The following ZNF484 variants were observed in gnomAD, a reference collection of about 807,000 sequenced individuals.
ZNF484 encodes the protein KRAB box containing C2H2 type zinc finger bA526D8.4.
In ZNF484, 11 loss-of-function variants were observed where a neutral mutation model predicts 12.9. The ratio of observed to expected loss-of-function variants is 0.85; its 90% confidence interval spans 0.54 to 1.41. The LOEUF (loss-of-function observed/expected upper bound fraction) is 1.41. ZNF484 is among the 40% of genes most tolerant of loss of function. The pLI, the probability that ZNF484 is intolerant of heterozygous loss-of-function variation, is 0.00. For synonymous variants in ZNF484, 289 were observed against 334.1 expected, an observed-to-expected ratio of 0.86 and a Z score of 1.47; for missense variants, 807 against 1,007.7, an observed-to-expected ratio of 0.80 and a Z score of 2.70.
chr9:92,853,761 T>G (rs549118163), intron 4 of ZNF484, among the ~76,000 whole-genome samples: 1 of 152,168 alleles, frequency 6.6e-6, no homozygotes. Flanking sequence ...GAAAGACCCC[T>G]GTGGGGGTGG....
chr9:92,873,489 C>G (rs1857586879), intron 2 of ZNF484, among the ~76,000 whole-genome samples: 1 of 152,092 alleles, frequency 6.6e-6, no homozygotes, highest in Non-Finnish European at 1.5e-5. Flanking sequence ...TGTGAATAGC[C>G]CTGTAACACT....
intron 2 of ZNF484, among the ~76,000 whole-genome samples, chr9:92,860,647 C>A (rs10761176): frequency 0.58 from 85,770 of 147,964 alleles, 25,195 homozygotes; most frequent in African/African-American, 0.69. Context: ...CAAAAAAAAA[C>A]CAGTATACTT....
At chr9:92,860,316 C>T (rs1351688634) in intron 2 of ZNF484, among the ~76,000 whole-genome samples, 1 of 152,060 alleles carries the variant, frequency 6.6e-6, no homozygotes. Flanking sequence ...CAACAATATA[C>T]TTGAGGCCAG....
Position 92,848,653 on chromosome 9 carries a change from T to G in ZNF484, c.236-102A>C, listed in dbSNP as rs1277904598. 1 of 1,115,466 alleles carries G rather than the reference T, an allele frequency of 9.0e-7. No homozygotes were observed. The highest frequency in any genetic ancestry group is 1.6e-5 in the African/African-American group (1 of 63,206). The allele number at this position is 1,115,466 out of a possible 1,614,324, so 69.1% of individuals were successfully genotyped here. A position where few individuals can be genotyped will look rare whatever the true frequency, so the allele number is the denominator to read the frequency against. ...CTGTAATCCTAGCACTTTGGGAGGC[T>G]GAGGTGGGCAGATCACTTGAGGCCA... On this transcript the variant is annotated intron_variant, in intron 4 of 4. Coordinates refer to ENST00000375495, the MANE Select transcript of ZNF484 (RefSeq NM_031486.4). This position sits in a 1 kb window ranked among gnomAD's most constrained non-coding sequence, Gnocchi z 4.1.
At chr9:92,871,785 A>G (rs1587769251) in intron 2 of ZNF484, among the ~76,000 whole-genome samples, 1 of 152,272 alleles carries the variant, frequency 6.6e-6, no homozygotes, top group Non-Finnish European at 1.5e-5. Context: ...CCTAATTCCC[A>G]GAAATTGTGA....
At position 92,851,358 on chromosome 9, in the gene ZNF484, A is replaced by G. The variant is rs140394873; in HGVS notation, c.236-2807T>C. 3.3e-3 allele frequency among the ~76,000 whole-genome samples: 499 copies of G among 152,386 alleles called. 1 individual carries two copies. Among genetic ancestry groups the G allele is most frequent in the African/African-American group, 0.011 (467 of 41,600 alleles). ...ATGGTCAAAAAATTAAAAGAAGAAT[A>G]CTACTTCACGACATATGAAAATTAT... On this transcript the variant is annotated intron_variant, in intron 4 of 4. Coordinates refer to ENST00000375495, the MANE Select transcript of ZNF484 (RefSeq NM_031486.4).
chr9:92,859,082 C>T (rs1345867769), intron 2 of ZNF484, among the ~76,000 whole-genome samples: 3 of 152,044 alleles, frequency 2.0e-5, no homozygotes, highest in Non-Finnish European at 4.4e-5. Context: ...GCCAAGACTG[C>T]ACCACTGCAC....
intron 4 of ZNF484, among the ~76,000 whole-genome samples, chr9:92,851,694 T>G (rs1856098290): frequency 6.6e-6 from 1 of 152,272 alleles, no homozygotes; most frequent in African/African-American, 2.4e-5. Flanking sequence ...CACTGCAGTC[T>G]ATTTTATCAA....
intron 1 of ZNF484, 87 bp downstream of exon 1, chr9:92,877,803 C>T: frequency 6.5e-7 from 1 of 1,535,868 alleles, no homozygotes. Context: ...CATCCACTGA[C>T]CGACCCCATC....
chr9:92,846,597 G>A lies in ZNF484; in HGVS notation c.2190C>T (p.Ile730=). The A allele has an allele frequency of 1.2e-6, 2 of 1,613,752 alleles. No homozygotes were observed. Among genetic ancestry groups the A allele is most frequent in the Non-Finnish European group, 1.7e-6 (2 of 1,179,910 alleles). Residue 730 remains isoleucine (I), a synonymous_variant, in exon 5 of 5, where the codon ATC becomes ATT. Coordinates refer to ENST00000375495, the MANE Select transcript of ZNF484 (RefSeq NM_031486.4). ...YICNECGKSF[I]QKSHLNRHRR... is the part of the protein sequence containing the mutation. ...TGTGTCTATTTAAGTGTGACTTCTG[G>A]ATGAAGGATTTCCCACATTCATTAC...
In ZNF484 at chr9:92,846,995, G is replaced by T; in HGVS notation, c.1792C>A (p.His598Asn). The T allele has an allele frequency of 1.2e-6, 2 of 1,614,114 alleles. No homozygotes were observed. The highest frequency in any genetic ancestry group is 1.7e-6 in the Non-Finnish European group (2 of 1,180,020). The change falls in exon 5 of 5, where the codon CAT (histidine) becomes AAT (asparagine). Residue 598 changes from histidine (H) to asparagine (N), a missense_variant. By Grantham distance (68) the His-to-Asn change is moderately conservative. Transcript: ENST00000375495. ...AFFHKSHFIT[H>N]ERIHTGEKPY... is the part of the protein sequence containing the mutation. ...TTCTCTCCAGTATGAATTCTCTCATGTGTAATAAAATGGGATTTGTGGAAG... is the reference window on the plus strand; with the variant it reads ...TTCTCTCCAGTATGAATTCTCTCATTTGTAATAAAATGGGATTTGTGGAAG...
chr9:92,858,953 G>A (rs893121873), intron 2 of ZNF484, among the ~76,000 whole-genome samples: 1 of 151,906 alleles, frequency 6.6e-6, no homozygotes, highest in Admixed American at 6.6e-5. Flanking sequence ...GTGAAACCCG[G>A]TCTCTACTAA....
At chr9:92,863,905 A>T (rs1856921900) in intron 2 of ZNF484, among the ~76,000 whole-genome samples, 1 of 152,202 alleles carries the variant, frequency 6.6e-6, no homozygotes, top group South Asian at 2.1e-4. Context: ...AGGACACCTG[A>T]TAAAGGAGAA....
chr9:92,865,574 C>T (rs866633803), intron 2 of ZNF484, among the ~76,000 whole-genome samples: 1 of 152,016 alleles, frequency 6.6e-6, no homozygotes, highest in South Asian at 2.1e-4. Flanking sequence ...TACAAATTGG[C>T]GTAACAAACT....
At chr9:92,854,704 G>T (rs1856332348) in intron 4 of ZNF484, among the ~76,000 whole-genome samples, 2 of 152,086 alleles carry the variant, frequency 1.3e-5, no homozygotes, top group Admixed American at 6.5e-5. Flanking sequence ...GGGACAGAGC[G>T]AAACTCCATC....
chr9:92,860,547 T>C (rs1856720009), intron 2 of ZNF484, among the ~76,000 whole-genome samples: 1 of 140,804 alleles, frequency 7.1e-6, no homozygotes, highest in Admixed American at 7.8e-5. Flanking sequence ...GAGCTTGCAG[T>C]GAGCTGAGAT....
At chr9:92,867,978 A>G (rs1055950560) in intron 2 of ZNF484, among the ~76,000 whole-genome samples, 13 of 152,350 alleles carry the variant, frequency 8.5e-5, no homozygotes, top group Admixed American at 5.9e-4. Flanking sequence ...CTGAGTGTCA[A>G]TAGGGCTGTA....
chr9:92,866,503 G>A (rs1465136063), intron 2 of ZNF484, among the ~76,000 whole-genome samples: 3 of 152,206 alleles, frequency 2.0e-5, no homozygotes, highest in Non-Finnish European at 2.9e-5. Flanking sequence ...AGATGCTGGC[G>A]AGGCTGTGGA....
Position 92,860,345 on chromosome 9 carries a change from G to A in ZNF484, c.16-4027C>T, listed in dbSNP as rs578139799. Among the ~76,000 whole-genome samples the A allele has an allele frequency of 3.9e-5, 6 of 152,274 alleles. No individual in the cohort carries two copies. The South Asian group carries it at 8.3e-4, about 21-fold the overall frequency. On this transcript the variant is annotated intron_variant, in intron 2 of 4. Coordinates refer to ENST00000375495, the MANE Select transcript of ZNF484 (RefSeq NM_031486.4). Reference sequence around the variant, plus strand: ...AGGCCAGGCGCGGTGGCTCACGCCTGTAATCCCAGCACTTTGGGAGGCCGA... The same window carrying A: ...AGGCCAGGCGCGGTGGCTCACGCCTATAATCCCAGCACTTTGGGAGGCCGA...
Sources: allele counts gnomAD v4.1 joint callset (sites outside exome capture counted in the v4.1 genomes callset), GRCh38; gene constraint gnomAD v4.1.1; non-coding constraint Gnocchi (gnomAD v3.1); transcripts MANE v1.5; gene names NCBI Gene and HGNC (gene_info 2026-07-23, HGNC 2026-07-21).